The following PLEKHA7 variants were observed in gnomAD, a reference collection of about 807,000 sequenced individuals.
PLEKHA7 encodes pleckstrin homology domain containing A7, also known as pleckstrin homology domain-containing family A member 7.
Under a neutral mutation model 170.0 loss-of-function variants are expected in PLEKHA7, and 104 were observed. That is an observed-to-expected ratio of 0.61 (90% CI 0.52 to 0.72). The LOEUF is 0.72. Among genes scored for constraint, PLEKHA7 ranks in the 30% least tolerant of loss-of-function variants. The pLI is 0.00. For synonymous variants in PLEKHA7, 648 were observed against 660.8 expected (o/e 0.98, Z 0.30); for missense variants, 1,615 against 1,671.7 (o/e 0.97, Z 0.59).
intron 3 of PLEKHA7, among the ~76,000 whole-genome samples, chr11:16,995,713 T>A (rs890107210): frequency 1.3e-5 from 2 of 152,130 alleles, no homozygotes; most frequent in Non-Finnish European, 2.9e-5. Flanking sequence ...CAGTCCTCCA[T>A]CATCACTGGA....
chr11:16,814,973 A>G (rs1849640445), intron 12 of PLEKHA7, among the ~76,000 whole-genome samples: 1 of 152,194 alleles, frequency 6.6e-6, no homozygotes, highest in Non-Finnish European at 1.5e-5. Context: ...CCTACACCAC[A>G]TGCAGCCCCC....
chr11:16,954,579 G>C (rs2136534273), intron 3 of PLEKHA7, among the ~76,000 whole-genome samples: 1 of 151,786 alleles, frequency 6.6e-6, no homozygotes, highest in South Asian at 2.1e-4. Context: ...GCTGGATGCT[G>C]TTAGTTATTT....
At chr11:16,842,041 C>T (rs1740711286) in intron 8 of PLEKHA7, among the ~76,000 whole-genome samples, 1 of 152,186 alleles carries the variant, frequency 6.6e-6, no homozygotes, top group Non-Finnish European at 1.5e-5. Context: ...ACCCTCATTT[C>T]ATAGAGGCAG....
At chr11:16,923,332 G>A (rs1859238383) in intron 3 of PLEKHA7, among the ~76,000 whole-genome samples, 1 of 152,176 alleles carries the variant, frequency 6.6e-6, no homozygotes, top group Admixed American at 6.5e-5. Context: ...GCAGCTCAGG[G>A]CAGGGTTGGA....
chr11:16,994,876 T>C (rs1864250462), intron 3 of PLEKHA7, among the ~76,000 whole-genome samples: 2 of 152,156 alleles, frequency 1.3e-5, no homozygotes, highest in Admixed American at 1.3e-4. Context: ...GTCATTGACA[T>C]GGCTGTGTCC....
chr11:16,993,580 C>A (rs2136973696), intron 3 of PLEKHA7, among the ~76,000 whole-genome samples: 1 of 152,268 alleles, frequency 6.6e-6, no homozygotes, highest in East Asian at 1.9e-4. Context: ...ACACTGTTTC[C>A]TTTCTTGTCT....
chr11:17,010,744 C>A (rs762189289), intron 3 of PLEKHA7, among the ~76,000 whole-genome samples: 5 of 152,196 alleles, frequency 3.3e-5, no homozygotes, highest in Non-Finnish European at 7.3e-5. Context: ...AATGCTTTGT[C>A]GCTCTCACTT....
chr11:16,857,541 G>A (rs992361467), intron 4 of PLEKHA7, among the ~76,000 whole-genome samples: 2 of 152,240 alleles, frequency 1.3e-5, no homozygotes, highest in African/African-American at 4.8e-5. Flanking sequence ...CCTTTCTCCA[G>A]ACAGAACTAT....
chr11:16,916,473 A>C (rs1436212553), intron 3 of PLEKHA7, among the ~76,000 whole-genome samples: 3 of 152,142 alleles, frequency 2.0e-5, no homozygotes, highest in Non-Finnish European at 4.4e-5. Context: ...TGATTAACTT[A>C]AGTCTCATTT....
At chr11:16,784,096 C>T (rs147696390) in intron 24 of PLEKHA7, among the ~76,000 whole-genome samples, 150 of 152,300 alleles carry the variant, frequency 9.8e-4, no homozygotes, top group Middle Eastern at 6.8e-3. Context: ...AGACTACAAG[C>T]TCTCAGGATA....
At chr11:16,945,314 CCTAATA>C (rs1363429653) in intron 3 of PLEKHA7, among the ~76,000 whole-genome samples, 1 of 152,176 alleles carries the variant, frequency 6.6e-6, no homozygotes, top group Non-Finnish European at 1.5e-5. Flanking sequence ...CATTATTCCT[CCTAATA>C]CTAATACTGG....
intron 3 of PLEKHA7, among the ~76,000 whole-genome samples, chr11:17,010,921 A>C (rs1219699861): frequency 3.3e-5 from 5 of 152,218 alleles, no homozygotes; most frequent in African/African-American, 4.8e-5. Context: ...CTCTCAAAAA[A>C]TTGTCACAGA....
At chr11:16,941,064 CAGG>C (rs1860663847) in intron 3 of PLEKHA7, among the ~76,000 whole-genome samples, 1 of 152,216 alleles carries the variant, frequency 6.6e-6, no homozygotes. Context: ...TAACTACACT[CAGG>C]AGAAGAAAAG....
intron 8 of PLEKHA7, among the ~76,000 whole-genome samples, chr11:16,850,462 AC>A (rs565798371): frequency 9.9e-5 from 15 of 152,284 alleles, no homozygotes; most frequent in African/African-American, 3.6e-4. Context: ...TCCCTGGGGA[AC>A]CCAAGATCTT....
rs953101948 is a variant in PLEKHA7 at position 16,803,058 on chromosome 11, A to C, written c.2077-6T>G. 6.2e-7 allele frequency: 1 copy of C among 1,613,222 alleles called. No homozygotes were observed. The highest frequency in any genetic ancestry group is 1.3e-5 in the African/African-American group (1 of 74,934). On this transcript the variant is annotated splice_region_variant and splice_polypyrimidine_tract_variant and intron_variant, in intron 14 of 26. Coordinates refer to ENST00000531066, the MANE Select transcript of PLEKHA7 (RefSeq NM_001329630.2). Reference sequence around the variant, plus strand: ...CAGAAGATGCTCAGTTTGACCTAAAAGCAAGAACAGGTGGAGAGGGCCTGG... The same window carrying C: ...CAGAAGATGCTCAGTTTGACCTAAACGCAAGAACAGGTGGAGAGGGCCTGG...
chr11:16,933,071 T>C (rs532724279), intron 3 of PLEKHA7, among the ~76,000 whole-genome samples: 46 of 152,366 alleles, frequency 3.0e-4, no homozygotes, highest in Non-Finnish European at 4.9e-4. Context: ...CTGTATCTTC[T>C]ATGTAGAGGA....
At chr11:16,802,809 G>A (rs1848687068) in intron 15 of PLEKHA7, among the ~76,000 whole-genome samples, 163 bp downstream of exon 15, 1 of 152,144 alleles carries the variant, frequency 6.6e-6, no homozygotes, top group Non-Finnish European at 1.5e-5. Context: ...GCCTTCCAAA[G>A]TGCTGAGATT....
intron 3 of PLEKHA7, among the ~76,000 whole-genome samples, chr11:16,931,755 T>TCC (rs11318824): frequency 4.0e-5 from 5 of 124,692 alleles, no homozygotes; most frequent in African/African-American, 1.7e-4. Flanking sequence ...TGAGATTCCA[T>TCC]CCCCCCCCCC....
intron 15 of PLEKHA7, among the ~76,000 whole-genome samples, chr11:16,802,263 C>T (rs928624939): frequency 2.0e-5 from 3 of 152,224 alleles, no homozygotes; most frequent in Non-Finnish European, 4.4e-5. Context: ...TGGCCCATTC[C>T]GGCACTCCCA....
Sources: gnomAD v4.1 joint callset for allele counts (sites outside exome capture counted in the v4.1 genomes callset) on GRCh38, gnomAD v4.1.1 for gene constraint, MANE v1.5 for transcripts, NCBI Gene and HGNC (gene_info 2026-07-23, HGNC 2026-07-21) for gene names.